Variants in TENM4 observed in about 807,000 individuals in gnomAD.
The protein encoded by TENM4 is teneurin-4.
Under a neutral mutation model 243.3 loss-of-function variants are expected in TENM4, and 82 were observed. The ratio of observed to expected loss-of-function variants is 0.34; its 90% CI spans 0.28 to 0.40. TENM4 has a LOEUF of 0.40. Ranked by LOEUF, TENM4 falls within the 10% of genes least tolerant of loss-of-function variation. TENM4 has a pLI of 1.00. For missense variants in TENM4, 3,138 were observed against 3,673.3 expected, an observed-to-expected ratio of 0.85 and a Z score of 3.77; for synonymous variants, 1,412 against 1,456.3, an observed-to-expected ratio of 0.97 and a Z score of 0.69.
chr11:78,677,249 C>A (rs1480420404), intron 29 of TENM4, among the ~76,000 whole-genome samples: 1 of 137,112 alleles, frequency 7.3e-6, no homozygotes, highest in African/African-American at 2.7e-5. Context: ...AAGGGTTGAA[C>A]TTTTTTTTTT....
chr11:79,393,825 G>A (rs1439025158), intron 1 of TENM4, among the ~76,000 whole-genome samples: 1 of 152,204 alleles, frequency 6.6e-6, no homozygotes, highest in African/African-American at 2.4e-5. Context: ...GCAGGAGTCT[G>A]GACTTTGCCC....
intron 6 of TENM4, among the ~76,000 whole-genome samples, chr11:78,990,429 C>A (rs1271560940): frequency 6.6e-6 from 1 of 152,136 alleles, no homozygotes; most frequent in Non-Finnish European, 1.5e-5. Flanking sequence ...AGAGGACAAT[C>A]TCCATGGCAG....
At chr11:79,117,063 C>T (rs936364668) in intron 4 of TENM4, among the ~76,000 whole-genome samples, 2 of 152,154 alleles carry the variant, frequency 1.3e-5, no homozygotes, top group African/African-American at 4.8e-5. Context: ...TATTCAGCTA[C>T]CCAATGTAGC....
At chr11:79,032,417 G>A (rs1859267381) in intron 6 of TENM4, among the ~76,000 whole-genome samples, 2 of 152,154 alleles carry the variant, frequency 1.3e-5, no homozygotes, top group Non-Finnish European at 2.9e-5. Flanking sequence ...GGCTGTCCAG[G>A]GTCACAGGGC....
At chr11:78,730,725 T>C (rs1056317998) in intron 21 of TENM4, among the ~76,000 whole-genome samples, 5 of 152,214 alleles carry the variant, frequency 3.3e-5, no homozygotes, top group African/African-American at 1.2e-4. Context: ...CAAGGGACAA[T>C]GGCTATTCTA....
chr11:79,248,218 A>C (rs1203420067), intron 2 of TENM4, among the ~76,000 whole-genome samples: 1 of 152,170 alleles, frequency 6.6e-6, no homozygotes, highest in Non-Finnish European at 1.5e-5. Flanking sequence ...AGCTCCCCAC[A>C]AGGTACCTGG....
At chr11:78,766,829 G>C (rs1357229865) in intron 18 of TENM4, among the ~76,000 whole-genome samples, 1 of 151,276 alleles carries the variant, frequency 6.6e-6, no homozygotes, top group East Asian at 2.0e-4. Flanking sequence ...CAGCCTCCTA[G>C]GTAGCTGGGA....
At chr11:79,127,104 T>C (rs1039971942) in intron 4 of TENM4, among the ~76,000 whole-genome samples, 1 of 152,218 alleles carries the variant, frequency 6.6e-6, no homozygotes, top group Non-Finnish European at 1.5e-5. Flanking sequence ...AATGCATAAT[T>C]GGCATAGACA....
At chr11:78,861,803 T>C (rs1201442998) in intron 10 of TENM4, among the ~76,000 whole-genome samples, 2 of 152,148 alleles carry the variant, frequency 1.3e-5, no homozygotes, top group Non-Finnish European at 2.9e-5. Flanking sequence ...GAAAAGAAGA[T>C]GTAAGCAGTG....
chr11:78,824,764 A>G (rs1857814228), intron 12 of TENM4, among the ~76,000 whole-genome samples: 1 of 152,176 alleles, frequency 6.6e-6, no homozygotes, highest in Non-Finnish European at 1.5e-5. Context: ...TTGGCCTCCC[A>G]AAGTGTTAGG....
At chr11:79,252,889 G>A (rs766218716) in intron 2 of TENM4, among the ~76,000 whole-genome samples, 8 of 152,178 alleles carry the variant, frequency 5.3e-5, no homozygotes, top group Non-Finnish European at 8.8e-5. Context: ...CCAGACAGAC[G>A]AGTAAGAGTC....
At chr11:78,980,578 A>G (rs1857769516) in intron 6 of TENM4, among the ~76,000 whole-genome samples, 1 of 152,252 alleles carries the variant, frequency 6.6e-6, no homozygotes, top group African/African-American at 2.4e-5. Flanking sequence ...GTTTTGTGCC[A>G]TTAATATCAA....
intron 1 of TENM4, among the ~76,000 whole-genome samples, chr11:79,429,719 G>C (rs966322458): frequency 2.0e-5 from 3 of 152,182 alleles, no homozygotes; most frequent in African/African-American, 7.2e-5. Context: ...CAATATATGG[G>C]AGAACCATCA....
chr11:79,126,888 G>A (rs745491789), intron 4 of TENM4, among the ~76,000 whole-genome samples: 5 of 152,202 alleles, frequency 3.3e-5, no homozygotes, highest in Non-Finnish European at 7.4e-5. Flanking sequence ...ACTGGAGAAA[G>A]GGAAATGATC....
intron 9 of TENM4, among the ~76,000 whole-genome samples, chr11:78,887,655 G>A (rs537659938): frequency 1.3e-5 from 2 of 152,282 alleles, no homozygotes; most frequent in South Asian, 4.2e-4. Flanking sequence ...ATTCTAAGTG[G>A]TCCCTGAGCT....
chr11:78,683,025 G>GAAT (rs1293222756), intron 29 of TENM4, among the ~76,000 whole-genome samples: 1 of 8,838 alleles, frequency 1.1e-4, no homozygotes, highest in East Asian at 7.2e-4. Context: ...AGGTCTGTTG[G>GAAT]AATACCCTGC....
chr11:78,996,570 A>C (rs891999131), intron 6 of TENM4, among the ~76,000 whole-genome samples: 1 of 152,162 alleles, frequency 6.6e-6, no homozygotes, highest in Admixed American at 6.5e-5. Flanking sequence ...AGTTTGTTAC[A>C]CAGCAAAGGA....
At chr11:78,831,212 A>G (rs1857971782) in intron 12 of TENM4, among the ~76,000 whole-genome samples, 1 of 152,206 alleles carries the variant, frequency 6.6e-6, no homozygotes, top group Admixed American at 6.5e-5. Context: ...TGGTTCACCC[A>G]CAACACTGCC....
chr11:78,822,960 T>C (rs1324164463), intron 12 of TENM4, among the ~76,000 whole-genome samples: 1 of 152,142 alleles, frequency 6.6e-6, no homozygotes, highest in East Asian at 1.9e-4. Context: ...TTATCATCCA[T>C]CCCTTGATGG....
Sources: allele counts gnomAD v4.1 joint callset (sites outside exome capture counted in the v4.1 genomes callset), GRCh38; gene constraint gnomAD v4.1.1; transcripts MANE v1.5; gene names NCBI Gene and HGNC (gene_info 2026-07-23, HGNC 2026-07-21).